The following DCC variants were observed in gnomAD, a reference collection of about 807,000 sequenced individuals.
DCC encodes netrin receptor DCC.
A neutral mutation model predicts 172.5 loss-of-function variants in DCC; 58 were observed. That is an observed-to-expected ratio of 0.34 (90% CI 0.27 to 0.42). DCC has a LOEUF of 0.42. DCC is among the 10% of genes least tolerant of loss of function. The probability of loss-of-function intolerance (pLI) is 1.00; values close to 1 mark genes in which losing one functional copy is unlikely to be tolerated. For synonymous variants in DCC, 709 were observed against 644.5 expected, an observed-to-expected ratio of 1.10 and a Z score of -1.52; for missense variants, 1,740 against 1,791.0, an observed-to-expected ratio of 0.97 and a Z score of 0.51.
intron 1 of DCC, among the ~76,000 whole-genome samples, chr18:52,430,800 T>C (rs1415267434): frequency 6.6e-6 from 1 of 152,162 alleles, no homozygotes; most frequent in Non-Finnish European, 1.5e-5. Flanking sequence ...AATTCAGGGA[T>C]GGAGAAAACA....
At chr18:52,423,410 A>C (rs1401048181) in intron 1 of DCC, among the ~76,000 whole-genome samples, 5 of 152,128 alleles carry the variant, frequency 3.3e-5, no homozygotes, top group African/African-American at 9.7e-5. Context: ...TTGGACCATG[A>C]AATGTCTGAA....
At chr18:53,025,046 G>C (rs368683809) in intron 5 of DCC, among the ~76,000 whole-genome samples, 1 of 152,038 alleles carries the variant, frequency 6.6e-6, no homozygotes, top group Non-Finnish European at 1.5e-5. Context: ...GGAGAAGGCT[G>C]ATTCTTGAAA....
rs1177650827 is a variant in DCC at position 52,923,690 on chromosome 18, G to C, written c.698-17G>C. 1 of 1,577,090 alleles carries C rather than the reference G, an allele frequency of 6.3e-7. No homozygotes were observed. The highest frequency in any genetic ancestry group is 8.7e-7 in the Non-Finnish European group (1 of 1,146,742). ...TGTTTTTCATATATCATATGATACT[G>C]TGTTTTCCCCTCATAGATCCAGGAC... On this transcript the variant is annotated splice_polypyrimidine_tract_variant and intron_variant, in intron 3 of 28. Coordinates refer to ENST00000442544, the MANE Select transcript of DCC (RefSeq NM_005215.4).
chr18:52,915,639 C>T (rs2040029323), intron 3 of DCC, among the ~76,000 whole-genome samples: 2 of 151,966 alleles, frequency 1.3e-5, no homozygotes, highest in African/African-American at 2.4e-5. Flanking sequence ...ATCCATGATG[C>T]TATTTGACTT....
At chr18:53,077,054 T>C (rs1210438951) in intron 7 of DCC, among the ~76,000 whole-genome samples, 1 of 151,816 alleles carries the variant, frequency 6.6e-6, no homozygotes, top group East Asian at 2.0e-4. Flanking sequence ...CCATAAATTA[T>C]ACAATCTGGT....
chr18:53,048,076 T>C (rs2144027927), intron 5 of DCC, among the ~76,000 whole-genome samples: 1 of 152,148 alleles, frequency 6.6e-6, no homozygotes, highest in East Asian at 1.9e-4. Context: ...AGCCTTTTTC[T>C]TTTGAGTTAT....
intron 1 of DCC, among the ~76,000 whole-genome samples, chr18:52,554,616 C>G (rs558755329): frequency 5.9e-5 from 9 of 152,088 alleles, no homozygotes; most frequent in African/African-American, 2.2e-4. Context: ...AACAATAACA[C>G]AGAGCTAATG....
intron 5 of DCC, among the ~76,000 whole-genome samples, chr18:53,038,805 T>C (rs1001417453): frequency 1.3e-5 from 2 of 151,954 alleles, no homozygotes; most frequent in African/African-American, 4.8e-5. Context: ...TTAATACCAT[T>C]AGAGTAGTAT....
intron 1 of DCC, among the ~76,000 whole-genome samples, chr18:52,671,235 A>C (rs2035547000): frequency 6.6e-6 from 1 of 152,174 alleles, no homozygotes; most frequent in African/African-American, 2.4e-5. Flanking sequence ...CAGTCCCACC[A>C]CTGGAGGCTT....
chr18:53,329,671 C>G (rs1392864464), intron 14 of DCC, among the ~76,000 whole-genome samples: 1 of 151,754 alleles, frequency 6.6e-6, no homozygotes, highest in Non-Finnish European at 1.5e-5. Flanking sequence ...TAGTTATTTC[C>G]AAATCAATGA....
intron 5 of DCC, among the ~76,000 whole-genome samples, chr18:52,972,939 C>T (rs780769112): frequency 6.6e-6 from 1 of 152,222 alleles, no homozygotes; most frequent in African/African-American, 2.4e-5. Flanking sequence ...GTGCAGTCTG[C>T]AGCCACTGCA....
At chr18:53,279,625 T>A (rs2056844902) in intron 12 of DCC, among the ~76,000 whole-genome samples, 1 of 141,270 alleles carries the variant, frequency 7.1e-6, no homozygotes, top group Admixed American at 7.7e-5. Context: ...TGTGCACCTG[T>A]ACCCTAAAAC....
At chr18:52,900,843 G>A (rs911894394) in intron 2 of DCC, among the ~76,000 whole-genome samples, 1 of 152,142 alleles carries the variant, frequency 6.6e-6, no homozygotes, top group Non-Finnish European at 1.5e-5. Context: ...AATTCATTCT[G>A]GGAATCAAGG....
intron 10 of DCC, among the ~76,000 whole-genome samples, chr18:53,206,542 ATG>A (rs894127835): frequency 6.9e-5 from 10 of 144,560 alleles, no homozygotes; most frequent in African/African-American, 2.5e-4. Flanking sequence ...ATACATATCT[ATG>A]TATATATACA....
rs555456351 is a variant in DCC, at chr18:52,995,322, G to A, written c.986-67983G>A. ...TAAGTCAGCAGATTTAAAGTCAGCA[G>A]CAAGAAGCAAACTCGGATCTGACTT... is the stretch of plus-strand genomic sequence containing the variant. On this transcript the variant is annotated intron_variant, in intron 5 of 28. Coordinates refer to ENST00000442544, the MANE Select transcript of DCC (RefSeq NM_005215.4). Among the ~76,000 whole-genome samples, 14 of 152,202 alleles carry A rather than the reference G, an allele frequency of 9.2e-5. No homozygotes were observed. In the South Asian group the frequency reaches 2.9e-3, roughly 32 times the overall value.
intron 1 of DCC, among the ~76,000 whole-genome samples, chr18:52,377,133 G>T (rs1417738255): frequency 6.6e-6 from 1 of 152,154 alleles, no homozygotes; most frequent in African/African-American, 2.4e-5. Flanking sequence ...GTATAAACAA[G>T]TGCTTAACTT....
intron 2 of DCC, among the ~76,000 whole-genome samples, chr18:52,787,081 G>A (rs78139846): frequency 0.034 from 5,112 of 152,128 alleles, 141 homozygotes; most frequent in South Asian, 0.11. Flanking sequence ...ATTATTAAAA[G>A]CTTTAAAAAG....
intron 16 of DCC, among the ~76,000 whole-genome samples, chr18:53,388,007 C>T (rs1272540145): frequency 2.0e-5 from 3 of 152,184 alleles, no homozygotes; most frequent in Non-Finnish European, 4.4e-5. Context: ...TTCTTCTTAG[C>T]ATTTGTTGCA....
chr18:53,481,278 A>G (rs949893097), intron 25 of DCC, among the ~76,000 whole-genome samples: 5 of 152,206 alleles, frequency 3.3e-5, no homozygotes, highest in African/African-American at 9.6e-5. Flanking sequence ...GACGCTGGCT[A>G]TGATGCTTAT....
Sources: gnomAD v4.1 joint callset for allele counts (sites outside exome capture counted in the v4.1 genomes callset) on GRCh38, gnomAD v4.1.1 for gene constraint, MANE v1.5 for transcripts, NCBI Gene and HGNC (gene_info 2026-07-23, HGNC 2026-07-21) for gene names.